ANKRD31: variants seen among roughly 807,000 people sequenced by gnomAD.
ANKRD31 encodes the protein ankyrin repeat domain-containing protein 31.
In ANKRD31, 147 loss-of-function variants were observed where a neutral mutation model predicts 186.0. The ratio of observed to expected loss-of-function variants is 0.79; its 90% confidence interval spans 0.69 to 0.91. The LOEUF is 0.91. Among genes scored for constraint, ANKRD31 ranks in the 40% least tolerant of loss-of-function variants. ANKRD31 has a pLI of 0.00. For synonymous variants in ANKRD31, 673 were observed against 736.4 expected (o/e 0.91, Z 1.39); for missense variants, 1,986 against 2,148.8 (o/e 0.92, Z 1.50).
At chr5:75,236,523 G>A (rs539049786) in intron 1 of ANKRD31, 60 bp downstream of exon 1, 2 of 1,427,702 alleles carry the variant, frequency 1.4e-6, no homozygotes, top group African/African-American at 2.8e-5. Flanking sequence ...GACCCCCTCA[G>A]AGGGCACCTG....
chr5:75,220,480 A>G (rs1243335621), intron 3 of ANKRD31, among the ~76,000 whole-genome samples: 2 of 152,082 alleles, frequency 1.3e-5, no homozygotes, highest in Non-Finnish European at 2.9e-5. Flanking sequence ...TCTCTACTAA[A>G]AATACAAAAA....
In ANKRD31 at chr5:75,084,352, A is replaced by C; in HGVS notation, c.5495T>G (p.Leu1832Arg). The C allele has an allele frequency of 6.5e-7, 1 of 1,537,116 alleles. No individual in the cohort carries two copies. Residue 1832 changes from leucine to arginine, a missense_variant, in exon 24 of 26, where the codon CTT (leucine) becomes CGT (arginine). By Grantham distance (102) the Leu-to-Arg change is moderately radical (BLOSUM62 -2). Coordinates refer to ENST00000506364, the MANE Select transcript of ANKRD31 (RefSeq NM_001372053.1). The part of the protein sequence containing the change: ...WSKVTYLGKE[L>R]LRYVSEDAPI... ...TGCATCCTCAGAAACATACCTTAAA[A>C]GCTCCTTCCCAAGATACGTTACCTG...
At chr5:75,211,812 C>T (rs1313301286) in intron 3 of ANKRD31, among the ~76,000 whole-genome samples, 1 of 151,592 alleles carries the variant, frequency 6.6e-6, no homozygotes, top group Non-Finnish European at 1.5e-5. Context: ...CTATTTGAGC[C>T]CTTTACTCAT....
At chr5:75,101,020 G>A (rs570649772) in intron 22 of ANKRD31, among the ~76,000 whole-genome samples, 7 of 152,102 alleles carry the variant, frequency 4.6e-5, no homozygotes, top group South Asian at 2.1e-4. Context: ...TCCTAGCATC[G>A]ACGGTCTTTA....
rs547910816 is a variant in ANKRD31, at chr5:75,190,562, A to G, written c.1409-1914T>C. On this transcript the variant is annotated intron_variant, in intron 9 of 25. Transcript: ENST00000506364. Reference sequence around the variant, plus strand: ...CTGAATGGTGTCCTCCCAAAACTCAAACTTGAAGTCCTAGACCAATAAGAC... The same window carrying G: ...CTGAATGGTGTCCTCCCAAAACTCAGACTTGAAGTCCTAGACCAATAAGAC... Among the ~76,000 whole-genome samples the G allele has an allele frequency of 5.3e-5, 8 of 152,020 alleles. No homozygotes were observed. In the South Asian group the frequency reaches 1.7e-3, roughly 32 times the overall value.
intron 10 of ANKRD31, among the ~76,000 whole-genome samples, chr5:75,172,539 A>C (rs1221574390): frequency 2.0e-5 from 3 of 152,168 alleles, no homozygotes; most frequent in Non-Finnish European, 4.4e-5. Flanking sequence ...GATGCAATAA[A>C]AAATGATAAA....
At position 75,129,998 on chromosome 5, in the gene ANKRD31, C is replaced by T. The variant is rs192156175; in HGVS notation, c.3876+7858G>A. ...GGTGGGTTCTTGGTCTCTCTGACTT[C>T]AAGAATGAAGCTGTGGACCCTCGTG... On this transcript the variant is annotated intron_variant, in intron 17 of 25. Transcript: ENST00000506364. 2.0e-5 allele frequency among the ~76,000 whole-genome samples: 3 copies of T among 152,324 alleles called. No homozygotes were observed. The East Asian group carries it at 5.8e-4, about 29-fold the overall frequency.
chr5:75,183,752 G>C (rs1305380897), intron 10 of ANKRD31, among the ~76,000 whole-genome samples: 2 of 152,088 alleles, frequency 1.3e-5, no homozygotes, highest in Non-Finnish European at 2.9e-5. Context: ...TGATGAAACA[G>C]ATTGAAGAGG....
Position 75,105,201 on chromosome 5 carries a change from A to C in ANKRD31, c.4358T>G (p.Phe1453Cys), listed in dbSNP as rs771561924. Residue 1453 changes from phenylalanine (F) to cysteine (C), a missense_variant, in exon 22 of 26, where the codon TTT (phenylalanine) becomes TGT (cysteine). Coordinates refer to ENST00000506364, the MANE Select transcript of ANKRD31 (RefSeq NM_001372053.1). ...TTGTTCTCTCAGGGCTCCATGCTTA[A>C]ATGACTCTATGGATACCCTATAGGA... ...AKKYRVSIESFKHGALREQLA... is the reference protein window; with the variant it reads ...AKKYRVSIESCKHGALREQLA... 9.2e-6 allele frequency: 14 copies of C among 1,526,228 alleles called. No individual in the cohort carries two copies. In the East Asian group the frequency reaches 3.2e-4, roughly 35 times the overall value. The allele number at this position is 1,526,228 out of a possible 1,614,324, so 94.5% of individuals were successfully genotyped here.
intron 5 of ANKRD31, among the ~76,000 whole-genome samples, chr5:75,203,639 G>C (rs992960607): frequency 1.4e-5 from 2 of 147,288 alleles, no homozygotes; most frequent in African/African-American, 2.5e-5. Flanking sequence ...CTCCAGCCTG[G>C]GCGAAAGAGA....
At chr5:75,106,690 C>T (rs1029632794) in intron 21 of ANKRD31, among the ~76,000 whole-genome samples, 2 of 151,880 alleles carry the variant, frequency 1.3e-5, no homozygotes, top group African/African-American at 2.4e-5. Context: ...GAAATTCAAG[C>T]AAGCCTCTCC....
intron 22 of ANKRD31, among the ~76,000 whole-genome samples, chr5:75,098,840 A>C (rs1475828222): frequency 6.6e-6 from 1 of 151,772 alleles, no homozygotes; most frequent in Admixed American, 6.6e-5. Context: ...GGCTGAGATG[A>C]TGGGTTTTCT....
In ANKRD31 at chr5:75,071,541, C is replaced by A. The variant is rs1286347897; in HGVS notation, c.5648-2877G>T. On this transcript the variant is annotated intron_variant, in intron 25 of 25. Transcript: ENST00000506364. ...GTGGAGTCTCGGTCTTGTCACCCAG[C>A]CTGGAGTACAATAGTGCAATCTCAA... Among the ~76,000 whole-genome samples the A allele has an allele frequency of 3.4e-5, 5 of 149,060 alleles. No homozygotes were observed. In the East Asian group the frequency reaches 9.8e-4, roughly 29 times the overall value.
rs535849219 is a variant in ANKRD31, at chr5:75,203,408, A to G, written c.403+3003T>C. Among the ~76,000 whole-genome samples, 6 of 152,302 alleles carry G rather than the reference A, an allele frequency of 3.9e-5. No individual in the cohort carries two copies. The South Asian group carries it at 1.0e-3, about 26-fold the overall frequency. ...GCCGGGCGCGGTGGCTTACACCTGT[A>G]ATCCCAGCACTTTGGGAGACCCAGG... On this transcript the variant is annotated intron_variant, in intron 5 of 25. Coordinates refer to ENST00000506364, the MANE Select transcript of ANKRD31 (RefSeq NM_001372053.1).
intron 7 of ANKRD31, 99 bp downstream of exon 7, chr5:75,195,532 T>G (rs1755402595): frequency 9.6e-7 from 1 of 1,046,828 alleles, no homozygotes; most frequent in Non-Finnish European, 1.3e-6. Context: ...GACTCATATT[T>G]TCAGCTACTT....
Position 75,193,604 on chromosome 5 carries a change from A to AAATACATC in ANKRD31, c.1018-21_1018-14dup. The AAATACATC allele has an allele frequency of 2.0e-6, 3 of 1,510,946 alleles. No homozygotes were observed. Among genetic ancestry groups the AAATACATC allele is most frequent in the Non-Finnish European group, 2.6e-6 (3 of 1,134,652 alleles). The allele number at this position is 1,510,946 out of a possible 1,614,324, so 93.6% of individuals were successfully genotyped here. On this transcript the variant is annotated splice_polypyrimidine_tract_variant and intron_variant, in intron 7 of 25. Coordinates refer to ENST00000506364, the MANE Select transcript of ANKRD31 (RefSeq NM_001372053.1). ...GGTCTTGCAGAGTCTGCAAATACGT[A>AAATACATC]AATACATCCACAAAAAATTACAACA...
intron 22 of ANKRD31, among the ~76,000 whole-genome samples, chr5:75,096,843 A>AT (rs1272578674): frequency 9.6e-6 from 1 of 104,496 alleles, no homozygotes; most frequent in East Asian, 2.7e-4. Flanking sequence ...CCCCAGTGTG[A>AT]TTTTCCCCAC....
intron 10 of ANKRD31, 59 bp downstream of exon 10, chr5:75,188,434 G>A (rs909928506): frequency 3.2e-5 from 46 of 1,457,024 alleles, no homozygotes; most frequent in Non-Finnish European, 4.0e-5. Context: ...TCCTAAGAGT[G>A]ATTCAGCTGA....
At position 75,188,508 on chromosome 5, in the gene ANKRD31, G is replaced by T; in HGVS notation, c.1549C>A (p.Gln517Lys). Residue 517 changes from glutamine (Q) to lysine (K), a missense_variant, in exon 10 of 26, where the codon CAG (glutamine) becomes AAG (lysine). By Grantham distance (53) the Gln-to-Lys change is moderately conservative. Coordinates refer to ENST00000506364, the MANE Select transcript of ANKRD31 (RefSeq NM_001372053.1). The stretch of plus-strand genomic sequence containing the variant: ...CCTAACTTACCAGCATAACTTGGCT[G>T]ATTAACATTTCCACCTTTTTTTATA... ...HCIKKGGNVN[Q>K]PSYAGWTALH... 1 of 1,535,472 alleles carries T rather than the reference G, an allele frequency of 6.5e-7. No homozygotes were observed. Among genetic ancestry groups the T allele is most frequent in the Non-Finnish European group, 8.7e-7 (1 of 1,146,208 alleles).
Sources: allele counts gnomAD v4.1 joint callset (sites outside exome capture counted in the v4.1 genomes callset), GRCh38; gene constraint gnomAD v4.1.1; transcripts MANE v1.5; gene names NCBI Gene and HGNC (gene_info 2026-07-23, HGNC 2026-07-21).